DTX4: variants seen among roughly 807,000 people sequenced by gnomAD.
DTX4 encodes E3 ubiquitin-protein ligase DTX4.
A neutral mutation model predicts 57.6 loss-of-function variants in DTX4; 28 were observed. That is an observed-to-expected ratio of 0.49 (90% CI 0.36 to 0.67). The LOEUF is 0.67. Ranked by LOEUF, DTX4 falls within the 30% of genes least tolerant of loss-of-function variation. DTX4 has a pLI of 0.00. For synonymous variants in DTX4, 316 were observed against 331.0 expected, an observed-to-expected ratio of 0.95 and a Z score of 0.49; for missense variants, 715 against 836.8, an observed-to-expected ratio of 0.85 and a Z score of 1.80.
intron 2 of DTX4, 54 bp downstream of exon 2, chr11:59,182,516 C>G: frequency 2.0e-6 from 3 of 1,493,474 alleles, no homozygotes; most frequent in Non-Finnish European, 2.7e-6. Context: ...AGATAGGCTA[C>G]AGCAGATCTT....
At chr11:59,180,659 A>C (rs1036144687) in intron 1 of DTX4, among the ~76,000 whole-genome samples, 1 of 152,104 alleles carries the variant, frequency 6.6e-6, no homozygotes, top group Non-Finnish European at 1.5e-5. Flanking sequence ...TGAGCTAGAC[A>C]TCTTTAGCCT....
At chr11:59,173,063 C>T (rs1402859116) in intron 1 of DTX4, among the ~76,000 whole-genome samples, 1 of 152,204 alleles carries the variant, frequency 6.6e-6, no homozygotes, top group Non-Finnish European at 1.5e-5. Flanking sequence ...ACAATCCACT[C>T]CCCACCCCTT....
chr11:59,179,379 C>T (rs1399846667), intron 1 of DTX4, among the ~76,000 whole-genome samples: 2 of 152,194 alleles, frequency 1.3e-5, no homozygotes, highest in African/African-American at 2.4e-5. Context: ...AGATAAAACC[C>T]GCAACCCAGA....
Position 59,206,816 on chromosome 11 carries a change from G to A in DTX4, c.*1907G>A, listed in dbSNP as rs1862817375. ...ACAGGGATGTTGATCAGCTCCACCA[G>A]AGGGAGCTCTGATGGGAGGAATTGC... On this transcript the variant is annotated 3_prime_UTR_variant, in exon 9 of 9. Transcript: ENST00000227451. 6.6e-6 allele frequency: 1 copy of A among 152,654 alleles called. No individual in the cohort carries two copies. Among genetic ancestry groups the A allele is most frequent in the South Asian group, 2.1e-4 (1 of 4,836 alleles). 9.5% of individuals were successfully genotyped at this position (152,654 alleles called of 1,614,324 possible).
intron 7 of DTX4, among the ~76,000 whole-genome samples, chr11:59,198,483 C>T (rs1862701507): frequency 2.0e-5 from 3 of 152,192 alleles, no homozygotes; most frequent in Admixed American, 2.0e-4. Context: ...GCTCCCTTCT[C>T]TGAGACCCCA....
chr11:59,174,331 G>A (rs1862368437), intron 1 of DTX4, among the ~76,000 whole-genome samples: 1 of 151,862 alleles, frequency 6.6e-6, no homozygotes, highest in African/African-American at 2.4e-5. Flanking sequence ...GAGGGGGAGG[G>A]AGAGAATGTC....
At chr11:59,188,284 T>C (rs1267430979) in intron 2 of DTX4, among the ~76,000 whole-genome samples, 1 of 152,166 alleles carries the variant, frequency 6.6e-6, no homozygotes, top group African/African-American at 2.4e-5. Flanking sequence ...TATTCAATAC[T>C]ATGGTCTCAG....
intron 1 of DTX4, among the ~76,000 whole-genome samples, chr11:59,179,386 C>G (rs1453277513): frequency 2.6e-5 from 4 of 152,220 alleles, no homozygotes; most frequent in Admixed American, 2.0e-4. Context: ...ACCCGCAACC[C>G]AGAGTGAGAA....
intron 1 of DTX4, among the ~76,000 whole-genome samples, chr11:59,179,218 G>A (rs1862430807): frequency 6.6e-6 from 1 of 152,138 alleles, no homozygotes; most frequent in African/African-American, 2.4e-5. Flanking sequence ...GATATGTGAG[G>A]TGCTTTGTAA....
chr11:59,195,415 T>C lies in DTX4; in HGVS notation c.1536+46T>C, dbSNP rs78112667. ...AGCCTTTCTGTCACCCCTTGGTTTT[T>C]ATTGTTCTATGTGTTTGTAGGTAAA... On this transcript the variant is annotated intron_variant, in intron 7 of 8. Coordinates refer to ENST00000227451, the MANE Select transcript of DTX4 (RefSeq NM_015177.2). 2,007 of 1,553,792 alleles carry C rather than the reference T, an allele frequency of 1.3e-3. 21 individuals are homozygous for C. The African/African-American group carries it at 0.023, about 17-fold the overall frequency.
rs774028305 is a variant in DTX4, at chr11:59,182,480, T to A, written c.935+18T>A. ...GCCTCTGGGTAAGTGCTTCCACAGC[T>A]GCCTCAGAGCATTTACTCAGGGTAG... On this transcript the variant is annotated intron_variant, in intron 2 of 8. Coordinates refer to ENST00000227451, the MANE Select transcript of DTX4 (RefSeq NM_015177.2). 3.2e-6 allele frequency: 5 copies of A among 1,576,418 alleles called. No homozygotes were observed. Among genetic ancestry groups the A allele is most frequent in the South Asian group, 1.2e-5 (1 of 86,652 alleles).
chr11:59,183,475 C>A (rs1862491007), intron 2 of DTX4, among the ~76,000 whole-genome samples: 1 of 152,156 alleles, frequency 6.6e-6, no homozygotes, highest in Non-Finnish European at 1.5e-5. Flanking sequence ...TGGCTGCAAC[C>A]TTTGCCTGCC....
At chr11:59,202,086 C>G (rs1862746983) in intron 8 of DTX4, among the ~76,000 whole-genome samples, 1 of 152,220 alleles carries the variant, frequency 6.6e-6, no homozygotes, top group South Asian at 2.1e-4. Flanking sequence ...TAGAATCAAG[C>G]TTTTTGTGTG....
chr11:59,192,196 C>T lies in DTX4; in HGVS notation c.1320C>T (p.Cys440=), dbSNP rs753418892. Residue 440 remains cysteine, a synonymous_variant, in exon 6 of 9, where the codon TGC becomes TGT. Transcript: ENST00000227451. ...KPDLVGKLSR[C]GHVYHIYCLV... Reference sequence around the variant, plus strand: ...ACCTGGTAGGGAAGCTGTCCAGATGCGGCCACGTCTACCACATCTACTGCT... The same window carrying T: ...ACCTGGTAGGGAAGCTGTCCAGATGTGGCCACGTCTACCACATCTACTGCT... The T allele has an allele frequency of 1.7e-5, 27 of 1,613,836 alleles. No homozygotes were observed. Among genetic ancestry groups the T allele is most frequent in the African/African-American group, 6.7e-5 (5 of 74,908 alleles).
chr11:59,199,573 C>A (rs1233082198), intron 7 of DTX4, 111 bp from the exon 8 acceptor site: 3 of 875,306 alleles, frequency 3.4e-6, no homozygotes, highest in East Asian at 5.4e-5. Context: ...TCTGTTGAAG[C>A]TTTATGGGAA....
In DTX4 at chr11:59,172,760, C is replaced by G. The variant is rs573653897; in HGVS notation, c.165C>G (p.Pro55=). Residue 55 remains proline (P), a synonymous_variant, in exon 1 of 9, where the codon CCC becomes CCG. Transcript: ENST00000227451. ...VLGQVDSRLA[P]YIIDLQSMNQ... is the part of the protein sequence containing the mutation. ...GCCAGGTGGACAGCCGTCTCGCGCC[C>G]TACATCATCGACCTGCAGTCCATGA... is the stretch of plus-strand genomic sequence containing the variant. The G allele has an allele frequency of 6.2e-7, 1 of 1,601,146 alleles. No individual in the cohort carries two copies. The highest frequency in any genetic ancestry group is 1.1e-5 in the South Asian group (1 of 89,502).
chr11:59,172,672 TGA>T lies in DTX4; in HGVS notation c.79_80del (p.Ser27ProfsTer91), dbSNP rs1862342037. 6.3e-7 allele frequency: 1 copy of T among 1,599,600 alleles called. No homozygotes were observed. The highest frequency in any genetic ancestry group is 8.5e-7 in the Non-Finnish European group (1 of 1,176,462). ...CGCTGGCGTCCCTACAGCCCAGCGG[TGA>T]GCCACCACATCGAGGCGGTGGTCCG... On this transcript the variant is annotated frameshift_variant, in exon 1 of 9. Transcript: ENST00000227451. LOFTEE classifies it high-confidence loss of function.
In DTX4 at chr11:59,182,876, G is replaced by A. The variant is rs545004521; in HGVS notation, c.935+414G>A. 5.1e-4 allele frequency among the ~76,000 whole-genome samples: 78 copies of A among 152,218 alleles called. 1 individual carries two copies. In the South Asian group the frequency reaches 0.015, roughly 30 times the overall value. ...GCTGGAGGATCTCTTGAGCCCAGGA[G>A]GTCAAGGCTGCAGTGAGCTATTATT... is the stretch of plus-strand genomic sequence containing the variant. On this transcript the variant is annotated intron_variant, in intron 2 of 8. Coordinates refer to ENST00000227451, the MANE Select transcript of DTX4 (RefSeq NM_015177.2).
chr11:59,184,852 A>C (rs1317410036), intron 2 of DTX4, among the ~76,000 whole-genome samples: 2 of 151,200 alleles, frequency 1.3e-5, no homozygotes, highest in Non-Finnish European at 3.0e-5. Context: ...TTTGCTTTTC[A>C]CCTCTTACCA....
Sources: gnomAD v4.1 joint callset for allele counts (sites outside exome capture counted in the v4.1 genomes callset) on GRCh38, gnomAD v4.1.1 for gene constraint, MANE v1.5 for transcripts, NCBI Gene and HGNC (gene_info 2026-07-23, HGNC 2026-07-21) for gene names.